EYS: variants seen among roughly 807,000 people sequenced by gnomAD.
EYS encodes protein eyes shut homolog.
In EYS, 250 loss-of-function variants were observed where a neutral mutation model predicts 282.1. The observed-to-expected ratio is 0.89, with a 90% CI of 0.80 to 0.98. The LOEUF is 0.98. EYS is among the 50% of genes least tolerant of loss of function. EYS has a pLI of 0.00. For synonymous variants in EYS, 1,355 were observed against 1,282.9 expected (o/e 1.06, Z -1.20); for missense variants, 4,016 against 3,709.0 (o/e 1.08, Z -2.15).
chr6:64,441,825 C>T (rs977978052), intron 26 of EYS, among the ~76,000 whole-genome samples: 1 of 152,178 alleles, frequency 6.6e-6, no homozygotes, highest in Admixed American at 6.5e-5. Context: ...GATTATGAGG[C>T]CTCTCCAGCC....
intron 22 of EYS, among the ~76,000 whole-genome samples, chr6:64,721,630 G>A (rs1771585543): frequency 6.6e-6 from 1 of 151,976 alleles, no homozygotes; most frequent in Non-Finnish European, 1.5e-5. Flanking sequence ...ATTCTACTCT[G>A]TCATTTTTCT....
At chr6:64,252,003 G>C (rs548190158) in intron 30 of EYS, among the ~76,000 whole-genome samples, 2 of 152,218 alleles carry the variant, frequency 1.3e-5, no homozygotes, top group South Asian at 4.1e-4. Context: ...AAAATTCTCA[G>C]TACTGGCAAC....
chr6:63,879,448 C>G (rs1033564952), intron 35 of EYS, among the ~76,000 whole-genome samples: 7 of 152,082 alleles, frequency 4.6e-5, no homozygotes, highest in Non-Finnish European at 1.0e-4. Context: ...CTTACAAATT[C>G]AAAGTACTAG....
chr6:64,382,967 C>T (rs760073164), intron 29 of EYS, among the ~76,000 whole-genome samples: 3 of 151,996 alleles, frequency 2.0e-5, no homozygotes, highest in Non-Finnish European at 4.4e-5. Context: ...GGAGTCCAAT[C>T]CATGGTGTAT....
At chr6:64,187,586 A>C (rs1044950905) in intron 31 of EYS, among the ~76,000 whole-genome samples, 2 of 152,106 alleles carry the variant, frequency 1.3e-5, no homozygotes, top group African/African-American at 2.4e-5. Context: ...CCAGCTATAC[A>C]GTTTGGAGGA....
At chr6:65,351,728 G>T (rs1273533273) in intron 9 of EYS, among the ~76,000 whole-genome samples, 8 of 151,790 alleles carry the variant, frequency 5.3e-5, no homozygotes, top group African/African-American at 1.9e-4. Flanking sequence ...TAATTTGGTT[G>T]TAACAGTAGA....
intron 30 of EYS, among the ~76,000 whole-genome samples, chr6:64,288,919 G>A (rs937859710): frequency 6.6e-6 from 1 of 151,928 alleles, no homozygotes; most frequent in African/African-American, 2.4e-5. Flanking sequence ...TGCCAACACT[G>A]ACTTGCTTCA....
intron 35 of EYS, among the ~76,000 whole-genome samples, chr6:63,936,837 G>A (rs967054426): frequency 3.9e-5 from 6 of 152,110 alleles, no homozygotes; most frequent in Admixed American, 6.6e-5. Context: ...ATCTTTCTGC[G>A]TGTCACCAGG....
intron 29 of EYS, among the ~76,000 whole-genome samples, chr6:64,313,665 T>C (rs1201821690): frequency 6.6e-6 from 1 of 152,120 alleles, no homozygotes; most frequent in Non-Finnish European, 1.5e-5. Context: ...AGGAAGCCCA[T>C]CAGACTAATG....
chr6:64,626,040 A>T (rs1767598363), intron 23 of EYS, 81 bp downstream of exon 23: 1 of 831,392 alleles, frequency 1.2e-6, no homozygotes, highest in Admixed American at 3.0e-5. Context: ...AAATTGTATT[A>T]TACATACATG....
At position 65,516,150 on chromosome 6, in the gene EYS, C is replaced by T. The variant is rs1014567784; in HGVS notation, c.-332-20157G>A. On this transcript the variant is annotated intron_variant, in intron 2 of 42. Transcript: ENST00000503581. Reference sequence around the variant, plus strand: ...GGATGCTGAAACCATTAAAAGAGAACATATATATTAAAATAATTCTGGCAC... The same window carrying T: ...GGATGCTGAAACCATTAAAAGAGAATATATATATTAAAATAATTCTGGCAC... 2.0e-5 allele frequency among the ~76,000 whole-genome samples: 3 copies of T among 152,044 alleles called. No homozygotes were observed. In the East Asian group the frequency reaches 5.8e-4, roughly 30 times the overall value.
intron 39 of EYS, among the ~76,000 whole-genome samples, chr6:63,786,522 C>T (rs967646306): frequency 1.4e-5 from 2 of 144,846 alleles, no homozygotes; most frequent in Non-Finnish European, 3.0e-5. Context: ...CATCACATAC[C>T]GGGGCCTGTC....
chr6:64,975,706 G>A (rs1298534897), intron 14 of EYS, among the ~76,000 whole-genome samples: 64 of 151,752 alleles, frequency 4.2e-4, no homozygotes, highest in Admixed American at 4.2e-3. Context: ...TGCTGGAAAA[G>A]CTGAATCTCC....
At chr6:63,817,776 G>A (rs1040427523) in intron 36 of EYS, among the ~76,000 whole-genome samples, 11 of 152,168 alleles carry the variant, frequency 7.2e-5, no homozygotes, top group African/African-American at 2.7e-4. Flanking sequence ...TCTTTCTTCT[G>A]TGTCCTCCTT....
At chr6:64,598,172 G>A (rs1284075888) in intron 24 of EYS, among the ~76,000 whole-genome samples, 1 of 152,114 alleles carries the variant, frequency 6.6e-6, no homozygotes, top group East Asian at 1.9e-4. Flanking sequence ...TAAGAAAAAA[G>A]AGAAGGGGCC....
Position 65,104,702 on chromosome 6 carries a change from T to C in EYS, c.2024-46975A>G, listed in dbSNP as rs540682664. ...TCATCTTGTGTAATATTGTGACCTC[T>C]CTTCAAAGTTTGTATCGAATACAAA... On this transcript the variant is annotated intron_variant, in intron 12 of 42. Coordinates refer to ENST00000503581, the MANE Select transcript of EYS (RefSeq NM_001142800.2). Among the ~76,000 whole-genome samples, 7 of 151,636 alleles carry C rather than the reference T, an allele frequency of 4.6e-5. No homozygotes were observed. In the East Asian group the frequency reaches 1.4e-3, roughly 29 times the overall value.
At chr6:65,050,262 C>A (rs554783030) in intron 13 of EYS, among the ~76,000 whole-genome samples, 1 of 151,452 alleles carries the variant, frequency 6.6e-6, no homozygotes, top group African/African-American at 2.4e-5. Flanking sequence ...GCACTTACAA[C>A]GAACTAAAGG....
At chr6:64,449,665 A>C (rs1775248126) in intron 26 of EYS, among the ~76,000 whole-genome samples, 1 of 152,208 alleles carries the variant, frequency 6.6e-6, no homozygotes, top group African/African-American at 2.4e-5. Flanking sequence ...CTCTCCACAG[A>C]AACTCTACAA....
At chr6:64,383,449 C>T (rs974022089) in intron 29 of EYS, among the ~76,000 whole-genome samples, 1 of 152,252 alleles carries the variant, frequency 6.6e-6, no homozygotes, top group Admixed American at 6.5e-5. Flanking sequence ...TGATTCAGTG[C>T]CCTCAGCAGA....
Sources: gnomAD v4.1 joint callset for allele counts (sites outside exome capture counted in the v4.1 genomes callset) on GRCh38, gnomAD v4.1.1 for gene constraint, MANE v1.5 for transcripts, NCBI Gene and HGNC (gene_info 2026-07-23, HGNC 2026-07-21) for gene names.